The following FAM185A variants were observed in gnomAD, a reference collection of about 807,000 sequenced individuals.
FAM185A encodes the protein family with sequence similarity 185 member A.
FAM185A carries 21 observed loss-of-function variants against 45.7 expected under a neutral mutation model. The observed-to-expected ratio is 0.46, with a 90% CI of 0.33 to 0.66. The LOEUF (loss-of-function observed/expected upper bound fraction) is 0.66, where lower values mean the gene tolerates loss of function less well. FAM185A is among the 30% of genes least tolerant of loss of function. The pLI is 0.03. For synonymous variants in FAM185A, 117 were observed against 194.0 expected (o/e 0.60, Z 3.30); for missense variants, 305 against 485.4 (o/e 0.63, Z 3.49).
intron 7 of FAM185A, among the ~76,000 whole-genome samples, chr7:102,793,217 G>T (rs1339914890): frequency 6.6e-6 from 1 of 151,774 alleles, no homozygotes; most frequent in Middle Eastern, 3.2e-3. Context: ...TTTTGTTGTT[G>T]TTGTTGTTTT....
the FAM185A span, among the ~76,000 whole-genome samples, chr7:102,832,075 T>C: frequency 1.3e-5 from 2 of 152,224 alleles, no homozygotes; most frequent in African/African-American, 4.8e-5. Context: ...GAAAAAAATC[T>C]AGAAGAATAA....
At chr7:102,804,625 A>T (rs1486663817) in intron 7 of FAM185A, among the ~76,000 whole-genome samples, 1 of 152,232 alleles carries the variant, frequency 6.6e-6, no homozygotes, top group Non-Finnish European at 1.5e-5. Context: ...TGGCTTAGGC[A>T]AGGATTTCAT....
chr7:102,798,936 T>C (rs1396085224), intron 7 of FAM185A, among the ~76,000 whole-genome samples: 1 of 152,064 alleles, frequency 6.6e-6, no homozygotes, highest in Non-Finnish European at 1.5e-5. Flanking sequence ...TTGGCAGAGA[T>C]GGGGTTTCAC....
intron 4 of FAM185A, among the ~76,000 whole-genome samples, chr7:102,771,427 T>A (rs1443596921): frequency 1.3e-5 from 2 of 152,182 alleles, no homozygotes; most frequent in Admixed American, 6.5e-5. Flanking sequence ...ACAAATATAC[T>A]CCTTGTTCAT....
intron 7 of FAM185A, among the ~76,000 whole-genome samples, chr7:102,790,092 T>A (rs1198882170): frequency 6.6e-6 from 1 of 152,134 alleles, no homozygotes; most frequent in Admixed American, 6.5e-5. Context: ...TTTTTTTTTT[T>A]AATAAGCAGA....
intron 7 of FAM185A, among the ~76,000 whole-genome samples, chr7:102,806,444 C>T (rs1407599925): frequency 6.6e-6 from 1 of 152,200 alleles, no homozygotes; most frequent in African/African-American, 2.4e-5. Context: ...CTTGGTCTCC[C>T]AAAGTGCTGG....
At chr7:102,801,386 A>G (rs935493815) in intron 7 of FAM185A, among the ~76,000 whole-genome samples, 25 of 152,242 alleles carry the variant, frequency 1.6e-4, no homozygotes, top group Non-Finnish European at 2.8e-4. Flanking sequence ...GCTACCTCAT[A>G]TCTCAATACT....
the FAM185A span, among the ~76,000 whole-genome samples, chr7:102,820,326 G>T: frequency 8.5e-5 from 13 of 152,234 alleles, no homozygotes; most frequent in Non-Finnish European, 1.3e-4. Flanking sequence ...TTTGATTGCA[G>T]AAGACAAAAT....
Position 102,785,577 on chromosome 7 carries a change from G to T in FAM185A, c.932-1758G>T, listed in dbSNP as rs1481526015. Among the ~76,000 whole-genome samples, 3 of 151,480 alleles carry T rather than the reference G, an allele frequency of 2.0e-5. No homozygotes were observed. The East Asian group carries it at 5.8e-4, about 29-fold the overall frequency. Reference sequence around the variant, plus strand: ...CAAACCTGACAAAAACAAGCAATGGGGAAAGGATTCCCTATTTAATAAATG... The same window carrying T: ...CAAACCTGACAAAAACAAGCAATGGTGAAAGGATTCCCTATTTAATAAATG... On this transcript the variant is annotated intron_variant, in intron 6 of 7. Coordinates refer to ENST00000413034, the MANE Select transcript of FAM185A (RefSeq NM_001145268.2).
At chr7:102,829,846 A>G in the FAM185A span, among the ~76,000 whole-genome samples, 1 of 152,156 alleles carries the variant, frequency 6.6e-6, no homozygotes, top group African/African-American at 2.4e-5. Context: ...GCTCATCAAA[A>G]TCAACATAAG....
chr7:102,824,671 A>T, the FAM185A span, among the ~76,000 whole-genome samples: 1 of 152,010 alleles, frequency 6.6e-6, no homozygotes, highest in Non-Finnish European at 1.5e-5. Context: ...TTTTTAGTAG[A>T]GACAGGGTTT....
intron 4 of FAM185A, among the ~76,000 whole-genome samples, chr7:102,765,988 T>C (rs541081841): frequency 6.6e-6 from 1 of 152,156 alleles, no homozygotes; most frequent in Non-Finnish European, 1.5e-5. Context: ...ATATTGATAC[T>C]TTTCAAAGAA....
At chr7:102,815,559 C>T in the FAM185A span, among the ~76,000 whole-genome samples, 1 of 152,142 alleles carries the variant, frequency 6.6e-6, no homozygotes, top group Non-Finnish European at 1.5e-5. Context: ...CTGCAGTTCA[C>T]AGTTGTTCAT....
intron 7 of FAM185A, among the ~76,000 whole-genome samples, chr7:102,798,736 T>C (rs1487921337): frequency 6.6e-6 from 1 of 152,066 alleles, no homozygotes; most frequent in African/African-American, 2.4e-5. Flanking sequence ...TTTATTTTAT[T>C]TTTAAATTTT....
the FAM185A span, among the ~76,000 whole-genome samples, chr7:102,845,066 T>C: frequency 6.6e-6 from 1 of 152,044 alleles, no homozygotes. Flanking sequence ...GGAAGTACTC[T>C]AAACCCTGTA....
the FAM185A span, among the ~76,000 whole-genome samples, chr7:102,847,176 A>G: frequency 1.3e-5 from 2 of 152,070 alleles, no homozygotes; most frequent in African/African-American, 4.8e-5. Context: ...AGCCTAAAAC[A>G]GAAACTACCT....
chr7:102,848,026 G>C, the FAM185A span, among the ~76,000 whole-genome samples: 1 of 152,084 alleles, frequency 6.6e-6, no homozygotes, highest in African/African-American at 2.4e-5. Flanking sequence ...ACTAGACATA[G>C]ATGTACCTTT....
At chr7:102,835,938 T>G in the FAM185A span, among the ~76,000 whole-genome samples, 2 of 152,124 alleles carry the variant, frequency 1.3e-5, no homozygotes, top group Non-Finnish European at 2.9e-5. Context: ...GTTAGAGACA[T>G]TAACATTGTT....
intron 7 of FAM185A, among the ~76,000 whole-genome samples, chr7:102,794,745 A>G (rs1796346674): frequency 6.6e-6 from 1 of 152,264 alleles, no homozygotes; most frequent in Non-Finnish European, 1.5e-5. Context: ...TAGCCAAAAA[A>G]CTGGAAATGA....
Sources: gnomAD v4.1 joint callset for allele counts (sites outside exome capture counted in the v4.1 genomes callset) on GRCh38, gnomAD v4.1.1 for gene constraint, MANE v1.5 for transcripts, NCBI Gene and HGNC (gene_info 2026-07-23, HGNC 2026-07-21) for gene names.